Variants in PICALM observed in about 807,000 individuals in gnomAD.
PICALM encodes phosphatidylinositol binding clathrin assembly protein.
In PICALM, 40 loss-of-function variants were observed where a neutral mutation model predicts 80.5. The ratio of observed to expected loss-of-function variants is 0.50; its 90% CI spans 0.39 to 0.65. The LOEUF (loss-of-function observed/expected upper bound fraction) is 0.65. PICALM is among the 30% of genes least tolerant of loss of function. The probability of loss-of-function intolerance (pLI) is 0.00; values close to 1 mark genes in which losing one functional copy is unlikely to be tolerated. For synonymous variants in PICALM, 288 were observed against 260.3 expected, an observed-to-expected ratio of 1.11 and a Z score of -1.02; for missense variants, 676 against 778.9, an observed-to-expected ratio of 0.87 and a Z score of 1.57.
chr11:86,062,780 G>A (rs1024026713), intron 1 of PICALM, among the ~76,000 whole-genome samples: 2 of 152,066 alleles, frequency 1.3e-5, no homozygotes, highest in Non-Finnish European at 2.9e-5. Flanking sequence ...CATACACAGT[G>A]AACATACAAA....
chr11:86,001,113 A>G lies in PICALM; in HGVS notation c.939T>C (p.Gly313=), dbSNP rs1209660308. 6.2e-7 allele frequency: 1 copy of G among 1,614,004 alleles called. No homozygotes were observed. The highest frequency in any genetic ancestry group is 8.5e-7 in the Non-Finnish European group (1 of 1,179,856). ...TTTCATCCACTTTGGTCAGAGATAG[A>G]CCAGTGCTTGCCAGGGAAGACACTG... The part of the protein sequence containing the change: ...SNAVSSLAST[G]LSLTKVDERE... The change falls in exon 10 of 20, where the codon GGT becomes GGC. Residue 313 remains glycine, a synonymous_variant. Coordinates refer to ENST00000393346, the MANE Select transcript of PICALM (RefSeq NM_007166.4).
chr11:86,065,397 C>G (rs554350216), intron 1 of PICALM, among the ~76,000 whole-genome samples: 41 of 151,758 alleles, frequency 2.7e-4, no homozygotes, highest in African/African-American at 9.0e-4. Flanking sequence ...GAGCCAAGAT[C>G]GCACCACTGC....
intron 8 of PICALM, among the ~76,000 whole-genome samples, chr11:86,003,968 T>C (rs533459617): frequency 6.6e-6 from 1 of 152,332 alleles, no homozygotes; most frequent in South Asian, 2.1e-4. Context: ...GGTGAGCATA[T>C]GGAACAACTG....
At chr11:85,964,752 C>G (rs1012887822) in intron 19 of PICALM, among the ~76,000 whole-genome samples, 1 of 152,138 alleles carries the variant, frequency 6.6e-6, no homozygotes, top group African/African-American at 2.4e-5. Flanking sequence ...ATTACACTCA[C>G]CTTTAGGCTG....
intron 11 of PICALM, among the ~76,000 whole-genome samples, chr11:85,997,386 T>C (rs977488240): frequency 2.6e-5 from 4 of 152,368 alleles, no homozygotes; most frequent in Middle Eastern, 3.4e-3. Flanking sequence ...GTCCAAACTA[T>C]GTATCAATGA....
intron 1 of PICALM, among the ~76,000 whole-genome samples, chr11:86,050,697 G>A (rs1269962980): frequency 6.6e-6 from 1 of 152,102 alleles, no homozygotes; most frequent in Non-Finnish European, 1.5e-5. Flanking sequence ...CACTGTGGTA[G>A]AACATAAATG....
Position 86,013,005 on chromosome 11 carries a change from T to A in PICALM, c.547-613A>T, listed in dbSNP as rs552043922. Among the ~76,000 whole-genome samples, 7 of 152,000 alleles carry A rather than the reference T, an allele frequency of 4.6e-5. No individual in the cohort carries two copies. In the South Asian group the frequency reaches 8.3e-4, roughly 18 times the overall value. On this transcript the variant is annotated intron_variant, in intron 5 of 19. Coordinates refer to ENST00000393346, the MANE Select transcript of PICALM (RefSeq NM_007166.4). The stretch of plus-strand genomic sequence containing the variant: ...ATCAGACTATATTACTCAGTGCCCA[T>A]AAGAATGAAAAAAGAAAAGAACACG...
chr11:86,053,910 A>G (rs1186514968), intron 1 of PICALM, among the ~76,000 whole-genome samples: 1 of 152,226 alleles, frequency 6.6e-6, no homozygotes, highest in Non-Finnish European at 1.5e-5. Flanking sequence ...AGCTTTAAAA[A>G]TGCACAAGTG....
intron 11 of PICALM, among the ~76,000 whole-genome samples, chr11:85,997,351 T>C (rs572328577): frequency 6.6e-6 from 1 of 152,342 alleles, no homozygotes; most frequent in Non-Finnish European, 1.5e-5. Context: ...AAAATACTCA[T>C]TAACCTCACT....
At chr11:86,021,064 A>G (rs1202250990) in intron 4 of PICALM, among the ~76,000 whole-genome samples, 2 of 152,204 alleles carry the variant, frequency 1.3e-5, no homozygotes. Flanking sequence ...AAAATGAGCA[A>G]AAGGCCAGGT....
intron 7 of PICALM, among the ~76,000 whole-genome samples, chr11:86,010,468 A>G (rs1436791612): frequency 6.6e-6 from 1 of 152,012 alleles, no homozygotes; most frequent in Non-Finnish European, 1.5e-5. Flanking sequence ...CTGGGATTAC[A>G]AGTGCCCGCC....
At chr11:85,981,626 G>T in intron 16 of PICALM, 119 bp downstream of exon 16, 1 of 699,024 alleles carries the variant, frequency 1.4e-6, no homozygotes, top group Non-Finnish European at 2.4e-6. Flanking sequence ...AAAAAAAGAT[G>T]CAGACTTGAT....
intron 7 of PICALM, among the ~76,000 whole-genome samples, chr11:86,009,846 G>A (rs1166260964): frequency 6.6e-6 from 1 of 152,154 alleles, no homozygotes; most frequent in African/African-American, 2.4e-5. Flanking sequence ...GTTTTAGTAC[G>A]TGACTGACCC....
chr11:86,049,494 C>A (rs963767426), intron 1 of PICALM, among the ~76,000 whole-genome samples: 1 of 152,062 alleles, frequency 6.6e-6, no homozygotes, highest in Non-Finnish European at 1.5e-5. Flanking sequence ...CATGACAGCT[C>A]GCCTGAAATA....
intron 19 of PICALM, chr11:85,960,794 C>A: frequency 1.7e-6 from 2 of 1,147,644 alleles, no homozygotes; most frequent in Non-Finnish European, 2.3e-6. Context: ...GAAAAGAAGA[C>A]AGAGAGAGGG....
chr11:86,022,495 A>G (rs768946453), intron 3 of PICALM, 26 bp from the exon 4 acceptor site: 24 of 1,234,816 alleles, frequency 1.9e-5, no homozygotes, highest in Non-Finnish European at 2.3e-5. Context: ...AACAAAAACA[A>G]AACAAAGAGA....
chr11:86,062,718 G>C (rs770352071), intron 1 of PICALM, among the ~76,000 whole-genome samples: 1 of 152,006 alleles, frequency 6.6e-6, no homozygotes, highest in Admixed American at 6.6e-5. Context: ...CAAAGGCTTA[G>C]GTTCATCAAG....
intron 7 of PICALM, among the ~76,000 whole-genome samples, chr11:86,009,761 C>T (rs1272928004): frequency 6.6e-6 from 1 of 151,978 alleles, no homozygotes; most frequent in East Asian, 1.9e-4. Context: ...CATAAAAGGC[C>T]AAGAGGGAAG....
At chr11:86,062,135 A>G (rs1032658234) in intron 1 of PICALM, among the ~76,000 whole-genome samples, 1 of 152,214 alleles carries the variant, frequency 6.6e-6, no homozygotes, top group Non-Finnish European at 1.5e-5. Flanking sequence ...GGGAGCACAG[A>G]GTATTTCAGG....
Sources: gnomAD v4.1 joint callset for allele counts (sites outside exome capture counted in the v4.1 genomes callset) on GRCh38, gnomAD v4.1.1 for gene constraint, MANE v1.5 for transcripts, NCBI Gene and HGNC (gene_info 2026-07-23, HGNC 2026-07-21) for gene names.